Variants in DPP7 observed in about 807,000 individuals in gnomAD.
DPP7 encodes the protein dipeptidyl peptidase 2.
Under a neutral mutation model 58.8 loss-of-function variants are expected in DPP7, and 74 were observed. The ratio of observed to expected loss-of-function variants is 1.26; its 90% CI spans 1.04 to 1.53. The LOEUF is 1.53. Among genes scored for constraint, DPP7 ranks in the 40% most tolerant of loss-of-function variants. The pLI, the probability that DPP7 is intolerant of heterozygous loss-of-function variation, is 0.00. For synonymous variants in DPP7, 350 were observed against 303.6 expected (o/e 1.15, Z -1.59); for missense variants, 807 against 692.3 (o/e 1.17, Z -1.86).
chr9:137,113,984 C>T lies in DPP7; in HGVS notation c.366G>A (p.Gln122=), dbSNP rs757815410. Residue 122 remains glutamine (Q), a synonymous_variant, in exon 4 of 13, where the codon CAG becomes CAA. Transcript: ENST00000371579. ...KSLPFGAQST[Q]RGHTELLTVE... is the part of the protein sequence containing the mutation. The stretch of plus-strand genomic sequence containing the variant: ...CCGTCAGCAGCTCCGTGTGCCCGCG[C>T]TGCGTGGACTGCGCACCGAACGGCA... 2.0e-5 allele frequency: 31 copies of T among 1,574,522 alleles called. No homozygotes were observed. In the East Asian group the frequency reaches 7.3e-4, roughly 37 times the overall value.
Position 137,113,190 on chromosome 9 carries a change from G to C in DPP7, c.703+16C>G. On this transcript the variant is annotated intron_variant, in intron 6 of 12. Coordinates refer to ENST00000371579, the MANE Select transcript of DPP7 (RefSeq NM_013379.3). ...TGGGGCGGGTCAGGCAGTGGGAGGCGGTGGGAGGACCTCACCTCCCTGTAG... is the reference window on the plus strand; with the variant it reads ...TGGGGCGGGTCAGGCAGTGGGAGGCCGTGGGAGGACCTCACCTCCCTGTAG... 2 of 1,613,540 alleles carry C rather than the reference G, an allele frequency of 1.2e-6. No homozygotes were observed. The highest frequency in any genetic ancestry group is 1.1e-5 in the South Asian group (1 of 91,080).
In DPP7 at chr9:137,113,419, GGCGCGCTGGCCGCCA is replaced by G; in HGVS notation, c.548_562del (p.Leu183_Ala187del). ...GCCGAGGCCTGCCACAGCTAGAACG[GGCGCGCTGGCCGCCA>G]GCGCCCCCGCCACCAGGTGGGGATA... On this transcript the variant is annotated inframe_deletion, in exon 5 of 13. Transcript: ENST00000371579. 1 of 1,607,122 alleles carries G rather than the reference GGCGCGCTGGCCGCCA, an allele frequency of 6.2e-7. No individual in the cohort carries two copies. The highest frequency in any genetic ancestry group is 1.3e-5 in the African/African-American group (1 of 74,814).
At chr9:137,113,540 C>G in intron 4 of DPP7, 44 bp from the exon 5 acceptor site, 2 of 1,513,114 alleles carry the variant, frequency 1.3e-6, no homozygotes, top group Non-Finnish European at 1.8e-6. Flanking sequence ...CCCAACACCC[C>G]ATTTCCTCTT....
At position 137,110,677 on chromosome 9, in the gene DPP7, G is replaced by A; in HGVS notation, c.1450C>T (p.Leu484=). The change falls in exon 13 of 13, where the codon CTG becomes TTG. Residue 484 remains leucine, a synonymous_variant. Coordinates refer to ENST00000371579, the MANE Select transcript of DPP7 (RefSeq NM_013379.3). ...KAARREQQPA[L]RGGPRLSL is the part of the protein sequence containing the mutation. Reference sequence around the variant, plus strand: ...AGGCTGAGTCTGGGCCCCCCACGCAGAGCTGGCTGCTGCTCACGCCTGGCT... The same window carrying A: ...AGGCTGAGTCTGGGCCCCCCACGCAAAGCTGGCTGCTGCTCACGCCTGGCT... 6.2e-7 allele frequency: 1 copy of A among 1,609,812 alleles called. No individual in the cohort carries two copies. Among genetic ancestry groups the A allele is most frequent in the South Asian group, 1.1e-5 (1 of 90,990 alleles).
In DPP7 at chr9:137,111,862, CT is replaced by C. The variant is rs1417474543; in HGVS notation, c.1207+10del. Reference sequence around the variant, plus strand: ...AAAGCAGGACGCTGGCCCACCCCCCCTCAGCCTTACCACCCCCCCAGAAGCT... The same window carrying C: ...AAAGCAGGACGCTGGCCCACCCCCCCCAGCCTTACCACCCCCCCAGAAGCT... On this transcript the variant is annotated intron_variant, in intron 10 of 12. Coordinates refer to ENST00000371579, the MANE Select transcript of DPP7 (RefSeq NM_013379.3). 1.3e-6 allele frequency: 2 copies of C among 1,550,812 alleles called. No individual in the cohort carries two copies. Among genetic ancestry groups the C allele is most frequent in the South Asian group, 1.1e-5 (1 of 89,640 alleles).
upstream of DPP7, chr9:137,115,109 G>A (rs528602050): frequency 1.2e-5 from 2 of 172,488 alleles, no homozygotes; most frequent in Non-Finnish European, 2.4e-5. Flanking sequence ...CCCTAAGGGC[G>A]GGAGGGAGAG....
chr9:137,114,368 G>A lies in DPP7; in HGVS notation c.196C>T (p.Arg66Trp), dbSNP rs774949942. 9 of 1,603,628 alleles carry A rather than the reference G, an allele frequency of 5.6e-6. No homozygotes were observed. Among genetic ancestry groups the A allele is most frequent in the African/African-American group, 5.4e-5 (4 of 74,270 alleles). Residue 66 changes from arginine to tryptophan, a missense_variant, in exon 3 of 13, where the codon CGG becomes TGG. Transcript: ENST00000371579. ...TAGAAGAAGATGGGCCCCTCGCCCC[G>A]GACCCAGAACCTGTCTGTGGGGAGG... ...RFLVSDRFWV[R>W]GEGPIFFYTG...
rs1284504042 is a variant in DPP7 at position 137,113,894 on chromosome 9, C to G, written c.456G>C (p.Gln152His). ...CACCGAAGGCGATGGCGGGGGCATC[C>G]TGGGCCCCGAGGTCGCGTCGTAGCG... Reference protein sequence around the residue: ...LRALRRDLGAQDAPAIAFGGS... With the variant: ...LRALRRDLGAHDAPAIAFGGS... Residue 152 changes from glutamine (Q) to histidine (H), a missense_variant, in exon 4 of 13, where the codon CAG becomes CAC. By Grantham distance (24) the Gln-to-His change is conservative. Around this residue, in one of 3 missense-constraint regions of DPP7, gnomAD observed 624 missense variants for 531.2 expected, o/e 1.17. Transcript: ENST00000371579. The G allele has an allele frequency of 6.4e-7, 1 of 1,565,576 alleles. No individual in the cohort carries two copies. The highest frequency in any genetic ancestry group is 8.6e-7 in the Non-Finnish European group (1 of 1,161,618).
At position 137,114,581 on chromosome 9, in the gene DPP7, G is replaced by A. The variant is rs202169711; in HGVS notation, c.68-5C>T. ...CGGGGTCCGGGGCCCTGCGGGCTGT[G>A]GGGGGACGCGAACCTCAGAGGCGGG... On this transcript the variant is annotated splice_polypyrimidine_tract_variant and splice_region_variant and intron_variant, in intron 1 of 12. Transcript: ENST00000371579. 4 of 1,516,904 alleles carry A rather than the reference G, an allele frequency of 2.6e-6. No homozygotes were observed. The South Asian group carries it at 3.7e-5, about 14-fold the overall frequency. 94.0% of individuals were successfully genotyped at this position (1,516,904 alleles called of 1,614,324 possible).
chr9:137,113,776 G>T, intron 4 of DPP7, 89 bp downstream of exon 4: 1 of 1,395,104 alleles, frequency 7.2e-7, no homozygotes, highest in Non-Finnish European at 9.4e-7. Context: ...AGGCAGCGGT[G>T]GGAGTCAGAG....
upstream of DPP7, among the ~76,000 whole-genome samples, chr9:137,116,334 A>C (rs530424017): frequency 6.6e-6 from 1 of 152,282 alleles, no homozygotes; most frequent in South Asian, 2.1e-4. Context: ...GCTGTATGGA[A>C]TCAAGGTTTA....
At position 137,111,671 on chromosome 9, in the gene DPP7, G is replaced by A. The variant is rs757941516; in HGVS notation, c.1272+19C>T. On this transcript the variant is annotated intron_variant, in intron 11 of 12. Transcript: ENST00000371579. Reference sequence around the variant, plus strand: ...AACAAACAAACTAACGGGGTCATAGGGCCCAGGCCAGGACTCACCCCGCCC... The same window carrying A: ...AACAAACAAACTAACGGGGTCATAGAGCCCAGGCCAGGACTCACCCCGCCC... 1.9e-6 allele frequency: 3 copies of A among 1,611,118 alleles called. No individual in the cohort carries two copies. The highest frequency in any genetic ancestry group is 1.7e-6 in the Non-Finnish European group (2 of 1,179,094).
chr9:137,112,306 C>T (rs1288234715), intron 8 of DPP7, 76 bp from the exon 9 acceptor site: 2 of 1,244,298 alleles, frequency 1.6e-6, no homozygotes, highest in Non-Finnish European at 2.2e-6. Context: ...CCTGTCCCCC[C>T]TCGGAATGGT....
intron 7 of DPP7, 21 bp from the exon 8 acceptor site, chr9:137,112,826 C>T (rs770086351): frequency 2.1e-5 from 33 of 1,607,118 alleles, no homozygotes; most frequent in South Asian, 1.1e-4. Context: ...GGGGCAGCGG[C>T]GACTCAGCGG....
In DPP7 at chr9:137,110,901, C is replaced by G. The variant is rs752757092; in HGVS notation, c.1322G>C (p.Gly441Ala). The G allele has an allele frequency of 2.5e-6, 4 of 1,612,376 alleles. No individual in the cohort carries two copies. The South Asian group carries it at 3.3e-5, about 13-fold the overall frequency. ...GCACCTGAGGTCGAGGTGGTGCGCT[C>G]CCCCCTGGATGGTGACGGCGATGAC... ...ASVIAVTIQG[G>A]AHHLDLRASH... is the part of the protein sequence containing the mutation. The change falls in exon 12 of 13, where the codon GGA (glycine) becomes GCA (alanine). Residue 441 changes from glycine (G) to alanine (A), a missense_variant. By Grantham distance (60) the Gly-to-Ala change is moderately conservative. Coordinates refer to ENST00000371579, the MANE Select transcript of DPP7 (RefSeq NM_013379.3).
intron 7 of DPP7, 52 bp downstream of exon 7, chr9:137,112,901 C>G: frequency 4.4e-6 from 7 of 1,608,446 alleles, no homozygotes; most frequent in Non-Finnish European, 5.9e-6. Context: ...GACCACCAGC[C>G]TCGGGACACT....
chr9:137,115,471 G>A (rs907176900), upstream of DPP7, among the ~76,000 whole-genome samples: 3 of 152,170 alleles, frequency 2.0e-5, no homozygotes, highest in African/African-American at 4.8e-5. Context: ...AGTGGTGGGT[G>A]CCAGACTAGC....
chr9:137,112,607 G>A, intron 8 of DPP7, 138 bp downstream of exon 8: 1 of 1,059,374 alleles, frequency 9.4e-7, no homozygotes, highest in Non-Finnish European at 1.4e-6. Context: ...GGAAGGTCGT[G>A]CTGTCCACCC....
intron 2 of DPP7, 38 bp from the exon 3 acceptor site, chr9:137,114,420 C>T: frequency 1.3e-6 from 2 of 1,558,068 alleles, no homozygotes; most frequent in Non-Finnish European, 1.7e-6. Flanking sequence ...TGCCGGGGGG[C>T]GGCGGGACGG....
Sources: gnomAD v4.1 joint callset for allele counts (sites outside exome capture counted in the v4.1 genomes callset) on GRCh38, gnomAD v4.1.1 for gene constraint, gnomAD v4.1.1 regional missense constraint, MANE v1.5 for transcripts, NCBI Gene and HGNC (gene_info 2026-07-23, HGNC 2026-07-21) for gene names.